CLU: variants seen among roughly 807,000 people sequenced by gnomAD.
CLU encodes clusterin.
Under a neutral mutation model 46.4 loss-of-function variants are expected in CLU, and 25 were observed. That is an observed-to-expected ratio of 0.54 (90% CI 0.39 to 0.75). The LOEUF (loss-of-function observed/expected upper bound fraction) is 0.75. Among genes scored for constraint, CLU ranks in the 30% least tolerant of loss-of-function variants. The pLI, the probability that CLU is intolerant of heterozygous loss-of-function variation, is 0.00. For synonymous variants in CLU, 235 were observed against 235.1 expected (o/e 1.00, Z 0.00); for missense variants, 504 against 592.1 (o/e 0.85, Z 1.54).
At chr8:27,606,092 G>A (rs1800816784) in intron 4 of CLU, among the ~76,000 whole-genome samples, 1 of 152,016 alleles carries the variant, frequency 6.6e-6, no homozygotes, top group South Asian at 2.1e-4. Flanking sequence ...ACAGGGCTCT[G>A]CCATCCCACG....
Position 27,614,699 on chromosome 8 carries a change from G to A in CLU, c.-74C>T, listed in dbSNP as rs1387131089. On this transcript the variant is annotated 5_prime_UTR_variant, in exon 1 of 9. Coordinates refer to ENST00000316403, the MANE Select transcript of CLU (RefSeq NM_001831.4). The stretch of plus-strand genomic sequence containing the variant: ...CCCGCGCGCTCCTCCTGGCGACGCC[G>A]CGTTGTGGGCACTGGGAGGCGCCGT... 3.8e-6 allele frequency: 2 copies of A among 533,168 alleles called. No homozygotes were observed. Among genetic ancestry groups the A allele is most frequent in the South Asian group, 1.4e-5 (1 of 71,486 alleles). The allele number at this position is 533,168 out of a possible 1,614,324, so 33.0% of individuals were successfully genotyped here. A position where few individuals can be genotyped will look rare whatever the true frequency, so the allele number is the denominator to read the frequency against.
intron 2 of CLU, among the ~76,000 whole-genome samples, chr8:27,610,272 T>A (rs1359329518): frequency 1.3e-5 from 2 of 152,076 alleles, no homozygotes; most frequent in African/African-American, 2.4e-5. Flanking sequence ...ATGCCGGCAG[T>A]CTGATGCACG....
rs750675115 is a variant in CLU at position 27,608,918 on chromosome 8, C to T, written c.246+20G>A. 9.9e-6 allele frequency: 16 copies of T among 1,613,826 alleles called. No homozygotes were observed. Among genetic ancestry groups the T allele is most frequent in the East Asian group, 4.5e-5 (2 of 44,882 alleles). ...CAGTGGGATGGTCAAGGCAGGGAGGCGGTAGCGGCTCCTCCTGACCTCTTT... is the reference window on the plus strand; with the variant it reads ...CAGTGGGATGGTCAAGGCAGGGAGGTGGTAGCGGCTCCTCCTGACCTCTTT... On this transcript the variant is annotated intron_variant, in intron 3 of 8. Transcript: ENST00000316403.
rs771000549 is a variant in CLU, at chr8:27,604,974, A to G, written c.779T>C (p.Ile260Thr). 5.0e-6 allele frequency: 8 copies of G among 1,613,950 alleles called. No homozygotes were observed. Among genetic ancestry groups the G allele is most frequent in the Non-Finnish European group, 5.9e-6 (7 of 1,180,008 alleles). Reference protein sequence around the residue: ...MIHEAQQAMDIHFHSPAFQHP... With the variant: ...MIHEAQQAMDTHFHSPAFQHP... ...CTGGAAGGCCGGGCTATGGAAGTGG[A>G]TGTCCATGGCCTGCTGAGCCTCGTG... is the stretch of plus-strand genomic sequence containing the variant. Residue 260 changes from isoleucine (I) to threonine (T), a missense_variant, in exon 5 of 9, where the codon ATC becomes ACC. Around this residue, in one of 3 missense-constraint regions of CLU, gnomAD observed 428 missense variants for 484.0 expected, o/e 0.88. Coordinates refer to ENST00000316403, the MANE Select transcript of CLU (RefSeq NM_001831.4).
In CLU at chr8:27,598,534, T is replaced by A; in HGVS notation, c.1266A>T (p.Glu422Asp). The A allele has an allele frequency of 6.2e-7, 1 of 1,614,088 alleles. No individual in the cohort carries two copies. The highest frequency in any genetic ancestry group is 8.5e-7 in the Non-Finnish European group (1 of 1,179,958). Residue 422 changes from glutamate (E) to aspartate (D), a missense_variant, in exon 8 of 9, where the codon GAA (glutamate) becomes GAT (aspartate). Coordinates refer to ENST00000316403, the MANE Select transcript of CLU (RefSeq NM_001831.4). ...SDPITVTVPV[E>D]VSRKNPKFME... ...TAAATTTAGGGTTCTTCCTGGAGAC[T>A]TCTACAGGGACCGTCACAGTGATGG...
chr8:27,600,086 A>G lies in CLU; in HGVS notation c.935-77T>C, dbSNP rs991045860. ...AAGGGATAGAACCATGAATGAATGG[A>G]AGTTAGCACATGCAGCGGGAACAAA... On this transcript the variant is annotated intron_variant, in intron 6 of 8. Coordinates refer to ENST00000316403, the MANE Select transcript of CLU (RefSeq NM_001831.4). The G allele has an allele frequency of 4.6e-5, 50 of 1,096,666 alleles. 1 individual carries two copies. In the African/African-American group the frequency reaches 6.2e-4, roughly 14 times the overall value. 67.9% of individuals were successfully genotyped at this position (1,096,666 alleles called of 1,614,324 possible). A position where few individuals can be genotyped will look rare whatever the true frequency, so the allele number is the denominator to read the frequency against.
At chr8:27,598,816 T>C in intron 7 of CLU, 181 bp from the exon 8 acceptor site, 1 of 635,284 alleles carries the variant, frequency 1.6e-6, no homozygotes, top group East Asian at 2.8e-5. Flanking sequence ...AGAACGGACC[T>C]GGTTCACAGA....
At chr8:27,611,821 C>A (rs1563389767) in intron 1 of CLU, 1 of 452,426 alleles carries the variant, frequency 2.2e-6, no homozygotes, top group African/African-American at 2.0e-5. Context: ...GGGCGGAGAC[C>A]GGGCTCACCA....
intron 6 of CLU, among the ~76,000 whole-genome samples, chr8:27,602,229 GC>G: frequency 6.6e-6 from 1 of 152,274 alleles, no homozygotes; most frequent in East Asian, 1.9e-4. Flanking sequence ...AGGGAAGGGA[GC>G]TGCTGACCTC....
chr8:27,611,815 G>A (rs1016936168), intron 1 of CLU: 6 of 453,570 alleles, frequency 1.3e-5, no homozygotes, highest in Non-Finnish European at 2.7e-5. Flanking sequence ...GGTAGGGGGC[G>A]GAGACCGGGC....
intron 7 of CLU, 31 bp from the exon 8 acceptor site, chr8:27,598,666 G>A (rs376745476): frequency 2.1e-5 from 33 of 1,608,454 alleles, no homozygotes; most frequent in African/African-American, 2.0e-4. Flanking sequence ...GGGAAGAGCT[G>A]AAACACTGTG....
chr8:27,609,060 C>G lies in CLU; in HGVS notation c.124G>C (p.Val42Leu). 1.2e-6 allele frequency: 2 copies of G among 1,614,130 alleles called. No individual in the cohort carries two copies. The highest frequency in any genetic ancestry group is 1.7e-6 in the Non-Finnish European group (2 of 1,180,024). Residue 42 changes from valine (V) to leucine (L), a missense_variant, in exon 3 of 9, where the codon GTC becomes CTC. Coordinates refer to ENST00000316403, the MANE Select transcript of CLU (RefSeq NM_001831.4). ...ACAGCATTTTGAATTTCCTTATTGA[C>G]GTACTTACTTCCCTGATTGGACATT... ...QEMSNQGSKY[V>L]NKEIQNAVNG...
rs1800681394 is a variant in CLU at position 27,599,709 on chromosome 8, G to A, written c.1164+71C>T. ...CCGTGTGATAAATGCTCAGTCAAAAGCACACATGCCCCTGCTCCCGATCAC... is the reference window on the plus strand; with the variant it reads ...CCGTGTGATAAATGCTCAGTCAAAAACACACATGCCCCTGCTCCCGATCAC... On this transcript the variant is annotated intron_variant, in intron 7 of 8. Coordinates refer to ENST00000316403, the MANE Select transcript of CLU (RefSeq NM_001831.4). This position sits in a 1 kb window ranked among gnomAD's most constrained non-coding sequence, Gnocchi z 4.0. 8.5e-7 allele frequency: 1 copy of A among 1,175,748 alleles called. No homozygotes were observed. Among genetic ancestry groups the A allele is most frequent in the South Asian group, 1.3e-5 (1 of 77,126 alleles). The allele number at this position is 1,175,748 out of a possible 1,614,324, so 72.8% of individuals were successfully genotyped here.
chr8:27,603,031 C>A (rs181094941), intron 6 of CLU, among the ~76,000 whole-genome samples: 1 of 152,184 alleles, frequency 6.6e-6, no homozygotes, highest in African/African-American at 2.4e-5. Context: ...AGCCACTGTA[C>A]GCCAGCTATA....
chr8:27,601,346 G>C (rs916462485), intron 6 of CLU, among the ~76,000 whole-genome samples: 5 of 152,098 alleles, frequency 3.3e-5, no homozygotes, highest in Non-Finnish European at 7.4e-5. Flanking sequence ...CAATGCACCC[G>C]GTCCAAACTT....
Position 27,597,136 on chromosome 8 carries a change from C to G in CLU, c.*1105G>C, listed in dbSNP as rs1800612587. On this transcript the variant is annotated 3_prime_UTR_variant, in exon 9 of 9. Transcript: ENST00000316403. ...TGTTGTTTATAACTTCAAAGAGAGA[C>G]AAGGGACAGTGACTTAAGAATATTC... 2.2e-6 allele frequency: 1 copy of G among 453,952 alleles called. No homozygotes were observed. Among genetic ancestry groups the G allele is most frequent in the Admixed American group, 2.4e-5 (1 of 42,546 alleles). The allele number at this position is 453,952 out of a possible 1,614,324, so 28.1% of individuals were successfully genotyped here. A position where few individuals can be genotyped will look rare whatever the true frequency, so the allele number is the denominator to read the frequency against.
chr8:27,610,323 G>C, intron 2 of CLU, 152 bp downstream of exon 2: 1 of 701,338 alleles, frequency 1.4e-6, no homozygotes, highest in Non-Finnish European at 2.6e-6. Context: ...GGCTCAGAGT[G>C]GGCCCAGACA....
intron 6 of CLU, among the ~76,000 whole-genome samples, chr8:27,600,935 A>G (rs1585251527): frequency 6.6e-6 from 1 of 152,364 alleles, no homozygotes; most frequent in South Asian, 2.1e-4. Context: ...ATCAATAAAT[A>G]GCTTACCTAA....
intron 3 of CLU, among the ~76,000 whole-genome samples, chr8:27,608,063 T>C (rs1041888777): frequency 5.3e-5 from 8 of 152,028 alleles, no homozygotes; most frequent in Admixed American, 3.3e-4. Context: ...AGGATTCTCA[T>C]AGAATGGTGA....
Sources: allele counts gnomAD v4.1 joint callset (sites outside exome capture counted in the v4.1 genomes callset), GRCh38; gene constraint gnomAD v4.1.1; regional missense constraint gnomAD v4.1.1; non-coding constraint Gnocchi (gnomAD v3.1); transcripts MANE v1.5; gene names NCBI Gene and HGNC (gene_info 2026-07-23, HGNC 2026-07-21).